Variants in TACR1 observed in about 807,000 individuals in gnomAD.
The protein encoded by TACR1 is tachykinin receptor 1.
In TACR1, 25 loss-of-function variants were observed where a neutral mutation model predicts 35.8. The ratio of observed to expected loss-of-function variants is 0.70; its 90% CI spans 0.51 to 0.98. The LOEUF is 0.98. Among genes scored for constraint, TACR1 ranks in the 50% least tolerant of loss-of-function variants. The probability of loss-of-function intolerance (pLI) is 0.00; values close to 1 mark genes in which losing one functional copy is unlikely to be tolerated. For missense variants in TACR1, 478 were observed against 522.9 expected (o/e 0.91, Z 0.84); for synonymous variants, 195 against 206.7 (o/e 0.94, Z 0.48).
At chr2:75,098,821 AT>A (rs1353223280) in intron 2 of TACR1, among the ~76,000 whole-genome samples, 1 of 152,028 alleles carries the variant, frequency 6.6e-6, no homozygotes, top group African/African-American at 2.4e-5. Context: ...AATACTTGAA[AT>A]TTTAGGAATG....
intron 1 of TACR1, chr2:75,189,558 A>G (rs1177998722): frequency 1.3e-5 from 2 of 152,204 alleles, no homozygotes; most frequent in Non-Finnish European, 2.9e-5. Flanking sequence ...AAGATTTGCA[A>G]TTTTAAGTGT....
intron 1 of TACR1, among the ~76,000 whole-genome samples, chr2:75,125,465 A>T (rs1674054655): frequency 6.6e-6 from 1 of 152,106 alleles, no homozygotes; most frequent in Non-Finnish European, 1.5e-5. Flanking sequence ...GATTACAGGC[A>T]TGAGCCACCG....
chr2:75,192,772 A>G lies in TACR1; in HGVS notation c.389+5774T>C, dbSNP rs143917534. On this transcript the variant is annotated intron_variant, in intron 1 of 4. Coordinates refer to ENST00000305249, the MANE Select transcript of TACR1 (RefSeq NM_001058.4). ...AGAAATTGTTTCTAATCGCTCTTCC[A>G]GGTTGAAACAGAATCCTCATTGGCA... Among the ~76,000 whole-genome samples the G allele has an allele frequency of 4.7e-3, 719 of 152,338 alleles. 9 individuals carry two copies. The highest frequency in any genetic ancestry group is 0.016 in the African/African-American group (653 of 41,574).
chr2:75,051,846 C>T (rs745306872), intron 3 of TACR1, among the ~76,000 whole-genome samples: 8 of 152,136 alleles, frequency 5.3e-5, no homozygotes, highest in Admixed American at 4.6e-4. Flanking sequence ...ACTGGAGGAA[C>T]ACAGGGAGAC....
intron 1 of TACR1, among the ~76,000 whole-genome samples, chr2:75,163,134 A>AC (rs373665149): frequency 7.9e-5 from 12 of 152,198 alleles, no homozygotes; most frequent in African/African-American, 2.9e-4. Flanking sequence ...TGTTGAAATG[A>AC]CAGTGTCACA....
At chr2:75,084,832 G>A (rs993080834) in intron 2 of TACR1, among the ~76,000 whole-genome samples, 3 of 151,808 alleles carry the variant, frequency 2.0e-5, no homozygotes, top group Non-Finnish European at 4.4e-5. Context: ...TTTTTTATTA[G>A]TCTTGCTAGT....
chr2:75,122,296 G>A lies in TACR1; in HGVS notation c.390-1528C>T, dbSNP rs1245210046. ...AGTCTGCTGAGCATCCTGCCCCAAC[G>A]GGAGGAAGTGTTTGGAGCTTTCTTG... is the stretch of plus-strand genomic sequence containing the variant. On this transcript the variant is annotated intron_variant, in intron 1 of 4. Transcript: ENST00000305249. Among the ~76,000 whole-genome samples the A allele has an allele frequency of 2.6e-5, 4 of 152,152 alleles. No homozygotes were observed. The South Asian group carries it at 6.2e-4, about 24-fold the overall frequency.
chr2:75,115,218 A>G (rs892000846), intron 2 of TACR1, among the ~76,000 whole-genome samples: 1 of 152,120 alleles, frequency 6.6e-6, no homozygotes, highest in Admixed American at 6.5e-5. Flanking sequence ...ATGAATGACT[A>G]TTAAATTATA....
chr2:75,059,469 T>C (rs6745719), intron 2 of TACR1, among the ~76,000 whole-genome samples: 25,446 of 126,854 alleles, frequency 0.2, 2,187 homozygotes, highest in South Asian at 0.29. Flanking sequence ...AGATCCCACT[T>C]TAGAGCTTCT....
intron 1 of TACR1, among the ~76,000 whole-genome samples, chr2:75,136,580 C>T (rs1674295280): frequency 6.6e-6 from 1 of 152,170 alleles, no homozygotes; most frequent in South Asian, 2.1e-4. Context: ...CCTCCTCCAG[C>T]AAAGCCTATC....
intron 2 of TACR1, among the ~76,000 whole-genome samples, chr2:75,113,522 T>C (rs1673791210): frequency 6.7e-6 from 1 of 149,096 alleles, no homozygotes; most frequent in South Asian, 2.1e-4. Context: ...TTCCTCCTTT[T>C]TTCTTCTTCC....
chr2:75,079,736 CT>C (rs11367021), intron 2 of TACR1, among the ~76,000 whole-genome samples: 29,923 of 113,970 alleles, frequency 0.26, 2,951 homozygotes, highest in Non-Finnish European at 0.37. Context: ...AACCTAATGC[CT>C]TTTTTTTTTT....
At chr2:75,088,647 T>C (rs59270911) in intron 2 of TACR1, among the ~76,000 whole-genome samples, 7,239 of 152,056 alleles carry the variant, frequency 0.048, 555 homozygotes, top group African/African-American at 0.16. Context: ...GCAGGGGGCA[T>C]TTCTCTGTCC....
At chr2:75,126,800 AAAAC>A (rs1224066961) in intron 1 of TACR1, among the ~76,000 whole-genome samples, 4 of 152,216 alleles carry the variant, frequency 2.6e-5, no homozygotes, top group East Asian at 1.9e-4. Context: ...TTACAAGAGA[AAAAC>A]AAACAACCCC....
At chr2:75,073,917 C>G (rs903680663) in intron 2 of TACR1, among the ~76,000 whole-genome samples, 1 of 152,154 alleles carries the variant, frequency 6.6e-6, no homozygotes, top group Non-Finnish European at 1.5e-5. Flanking sequence ...AGGCCCTTTC[C>G]TACTCAAGGG....
At chr2:75,125,635 G>A (rs1308482063) in intron 1 of TACR1, among the ~76,000 whole-genome samples, 1 of 152,170 alleles carries the variant, frequency 6.6e-6, no homozygotes, top group African/African-American at 2.4e-5. Context: ...ATGAATGCTT[G>A]TTGAGTGAAA....
rs1402745270 is a variant in TACR1, at chr2:75,140,677, G to A, written c.390-19909C>T. 2.6e-5 allele frequency among the ~76,000 whole-genome samples: 4 copies of A among 152,194 alleles called. No homozygotes were observed. The East Asian group carries it at 5.8e-4, about 22-fold the overall frequency. On this transcript the variant is annotated intron_variant, in intron 1 of 4. Coordinates refer to ENST00000305249, the MANE Select transcript of TACR1 (RefSeq NM_001058.4). Reference sequence around the variant, plus strand: ...CTGTTGAAATTAAAATGCATCCTGAGGGCATGCTGCCCAGTGGCTTTATAT... The same window carrying A: ...CTGTTGAAATTAAAATGCATCCTGAAGGCATGCTGCCCAGTGGCTTTATAT...
intron 2 of TACR1, among the ~76,000 whole-genome samples, chr2:75,111,142 GT>G (rs1673742329): frequency 6.6e-6 from 1 of 151,924 alleles, no homozygotes; most frequent in African/African-American, 2.4e-5. Flanking sequence ...ACGTGCAGAA[GT>G]TCTTCATGGA....
chr2:75,160,691 T>C (rs1674985241), intron 1 of TACR1, among the ~76,000 whole-genome samples: 1 of 149,736 alleles, frequency 6.7e-6, no homozygotes. Flanking sequence ...AAAAGAACAA[T>C]AAGATAAAAA....
Sources: allele counts gnomAD v4.1 joint callset (sites outside exome capture counted in the v4.1 genomes callset), GRCh38; gene constraint gnomAD v4.1.1; transcripts MANE v1.5; gene names NCBI Gene and HGNC (gene_info 2026-07-23, HGNC 2026-07-21).